CDH4: variants seen among roughly 807,000 people sequenced by gnomAD.
The protein encoded by CDH4 is cadherin 4, also known as cadherin-4.
A neutral mutation model predicts 86.0 loss-of-function variants in CDH4; 33 were observed. That is an observed-to-expected ratio of 0.38 (90% CI 0.29 to 0.51). The LOEUF is 0.51. Ranked by LOEUF, CDH4 falls within the 20% of genes least tolerant of loss-of-function variation. The pLI, the probability that CDH4 is intolerant of heterozygous loss-of-function variation, is 0.86. For missense variants in CDH4, 1,114 were observed against 1,307.4 expected (o/e 0.85, Z 2.28); for synonymous variants, 555 against 549.4 (o/e 1.01, Z -0.14).
Position 61,633,867 on chromosome 20 carries a change from T to G in CDH4, c.170-109696T>G, listed in dbSNP as rs182054076. 7.2e-5 allele frequency among the ~76,000 whole-genome samples: 11 copies of G among 152,290 alleles called. No individual in the cohort carries two copies. The East Asian group carries it at 1.9e-3, about 27-fold the overall frequency. ...CCCCCAGCTGTCCATACTGTGCTCT[T>G]TAAACACAGAGACATCTAATTGCTC... On this transcript the variant is annotated intron_variant, in intron 2 of 15. Transcript: ENST00000614565.
At chr20:61,394,368 C>T (rs2085003752) in intron 2 of CDH4, among the ~76,000 whole-genome samples, 1 of 152,224 alleles carries the variant, frequency 6.6e-6, no homozygotes, top group Non-Finnish European at 1.5e-5. Flanking sequence ...GGCAGGTGAG[C>T]AGCAGCAGCA....
intron 4 of CDH4, among the ~76,000 whole-genome samples, chr20:61,784,418 A>C (rs1314568337): frequency 1.7e-4 from 2 of 11,828 alleles, no homozygotes; most frequent in Admixed American, 9.5e-4. Context: ...CGAGGCCCTC[A>C]GATGTCCTGT....
chr20:61,898,414 G>A (rs1738582352), intron 8 of CDH4, among the ~76,000 whole-genome samples: 1 of 152,244 alleles, frequency 6.6e-6, no homozygotes, highest in South Asian at 2.1e-4. Flanking sequence ...TCCAGCAGGT[G>A]AGCATGGGGT....
intron 2 of CDH4, among the ~76,000 whole-genome samples, chr20:61,715,084 C>A (rs751336604): frequency 6.6e-6 from 1 of 152,088 alleles, no homozygotes; most frequent in Non-Finnish European, 1.5e-5. Context: ...TGTTTTTTGA[C>A]GTTTTGATAA....
Position 61,547,716 on chromosome 20 carries a change from C to T in CDH4, c.170-195847C>T, listed in dbSNP as rs188766421. On this transcript the variant is annotated intron_variant, in intron 2 of 15. Coordinates refer to ENST00000614565, the MANE Select transcript of CDH4 (RefSeq NM_001794.5). Reference sequence around the variant, plus strand: ...CCTGCCCCTGCAGACAGCGCAGGAGCAGCCTTTTCCCACCTGAGGCTGCCT... The same window carrying T: ...CCTGCCCCTGCAGACAGCGCAGGAGTAGCCTTTTCCCACCTGAGGCTGCCT... 3.7e-3 allele frequency among the ~76,000 whole-genome samples: 561 copies of T among 152,366 alleles called. 6 individuals carry two copies. The highest frequency in any genetic ancestry group is 0.013 in the African/African-American group (551 of 41,594).
intron 2 of CDH4, among the ~76,000 whole-genome samples, chr20:61,264,180 T>G (rs1474614384): frequency 6.6e-6 from 1 of 152,166 alleles, no homozygotes; most frequent in Non-Finnish European, 1.5e-5. Flanking sequence ...CAGGTGTGTG[T>G]GGGAGTTTCC....
chr20:61,565,178 G>A (rs113601053), intron 2 of CDH4, among the ~76,000 whole-genome samples: 25,822 of 66,674 alleles, frequency 0.39, 6,490 homozygotes, highest in Middle Eastern at 0.53. Context: ...TGGGGTGGTG[G>A]TGGTGGTGGT....
intron 2 of CDH4, among the ~76,000 whole-genome samples, chr20:61,453,159 G>C (rs996849635): frequency 8.5e-5 from 13 of 152,054 alleles, no homozygotes; most frequent in African/African-American, 2.9e-4. Context: ...GTGTATTGAG[G>C]ATATTAAGTA....
chr20:61,618,113 G>A (rs758607763), intron 2 of CDH4, among the ~76,000 whole-genome samples: 1 of 152,078 alleles, frequency 6.6e-6, no homozygotes, highest in East Asian at 1.9e-4. Context: ...CCCAGTCTCG[G>A]GCAGGCCTTT....
intron 2 of CDH4, among the ~76,000 whole-genome samples, chr20:61,515,751 G>A (rs775938915): frequency 6.6e-6 from 1 of 152,156 alleles, no homozygotes; most frequent in East Asian, 1.9e-4. Context: ...AGGCTATGAT[G>A]CCCAGTTACA....
intron 3 of CDH4, among the ~76,000 whole-genome samples, chr20:61,772,172 A>G (rs1476796502): frequency 1.3e-5 from 2 of 152,104 alleles, no homozygotes; most frequent in African/African-American, 4.8e-5. Flanking sequence ...AGAAGAACCC[A>G]GGATTGTGAG....
At chr20:61,553,175 G>A (rs532694632) in intron 2 of CDH4, among the ~76,000 whole-genome samples, 1 of 152,346 alleles carries the variant, frequency 6.6e-6, no homozygotes, top group South Asian at 2.1e-4. Context: ...AGTGAATGAA[G>A]ACAGACACAA....
At position 61,807,689 on chromosome 20, in the gene CDH4, C is replaced by A. The variant is rs753286400; in HGVS notation, c.576+34507C>A. 2.0e-5 allele frequency among the ~76,000 whole-genome samples: 3 copies of A among 152,238 alleles called. No homozygotes were observed. Among genetic ancestry groups the A allele is most frequent in the Middle Eastern group, 3.4e-3 (1 of 294 alleles). Reference sequence around the variant, plus strand: ...GTGAGAACAGCTGGGGAACTGTGGACGGCTCTTCAGACTCAAACGGTGTGA... The same window carrying A: ...GTGAGAACAGCTGGGGAACTGTGGAAGGCTCTTCAGACTCAAACGGTGTGA... On this transcript the variant is annotated intron_variant, in intron 4 of 15. Transcript: ENST00000614565. This position sits in a 1 kb window ranked among gnomAD's most constrained non-coding sequence, Gnocchi z 4.5.
At chr20:61,678,036 A>T (rs184671685) in intron 2 of CDH4, among the ~76,000 whole-genome samples, 1 of 152,220 alleles carries the variant, frequency 6.6e-6, no homozygotes, top group African/African-American at 2.4e-5. Flanking sequence ...AAATAGGTAG[A>T]TAGATGGATG....
chr20:61,528,351 CG>C (rs1167693310), intron 2 of CDH4, among the ~76,000 whole-genome samples: 2 of 127,210 alleles, frequency 1.6e-5, no homozygotes, highest in East Asian at 2.1e-4. Flanking sequence ...CACTCCAGCC[CG>C]GGTGAAAGAG....
In CDH4 at chr20:61,504,692, G is replaced by A. The variant is rs572568853; in HGVS notation, c.170-238871G>A. On this transcript the variant is annotated intron_variant, in intron 2 of 15. Transcript: ENST00000614565. ...CCTGCATGTCAGGCACAATCTGGAC[G>A]TTGCAGTGACAGCGTCTTTGCCACA... 6.6e-5 allele frequency among the ~76,000 whole-genome samples: 10 copies of A among 152,346 alleles called. No homozygotes were observed. The South Asian group carries it at 8.3e-4, about 13-fold the overall frequency.
chr20:61,291,406 G>T (rs1232142104), intron 2 of CDH4, among the ~76,000 whole-genome samples: 1 of 152,234 alleles, frequency 6.6e-6, no homozygotes, highest in Non-Finnish European at 1.5e-5. Flanking sequence ...TGTGGGCCCT[G>T]GGCCTGCTCT....
intron 2 of CDH4, among the ~76,000 whole-genome samples, chr20:61,578,646 C>T (rs1014958813): frequency 6.6e-6 from 1 of 152,134 alleles, no homozygotes; most frequent in African/African-American, 2.4e-5. Context: ...TCACCAAGGA[C>T]CTGGCCACCT....
At chr20:61,283,690 AT>A (rs1433965282) in intron 2 of CDH4, among the ~76,000 whole-genome samples, 1 of 152,252 alleles carries the variant, frequency 6.6e-6, no homozygotes, top group Non-Finnish European at 1.5e-5. Flanking sequence ...GACTGATGCC[AT>A]GATGAAAATC....
Sources: gnomAD v4.1 joint callset for allele counts (sites outside exome capture counted in the v4.1 genomes callset) on GRCh38, gnomAD v4.1.1 for gene constraint, Gnocchi (gnomAD v3.1) non-coding constraint, MANE v1.5 for transcripts, NCBI Gene and HGNC (gene_info 2026-07-23, HGNC 2026-07-21) for gene names.